RAD21: variants seen among roughly 807,000 people sequenced by gnomAD.
The protein encoded by RAD21 is RAD21 cohesin complex component, also known as double-strand-break repair protein rad21 homolog.
A neutral mutation model predicts 71.5 loss-of-function variants in RAD21; 18 were observed. The observed-to-expected ratio is 0.25, with a 90% CI of 0.17 to 0.37. The LOEUF (loss-of-function observed/expected upper bound fraction) is 0.37, where lower values mean the gene tolerates loss of function less well. Among genes scored for constraint, RAD21 ranks in the 10% least tolerant of loss-of-function variants. The pLI is 1.00. For missense variants in RAD21, 493 were observed against 769.1 expected (o/e 0.64, Z 4.25); for synonymous variants, 248 against 254.0 (o/e 0.98, Z 0.22).
At chr8:116,854,150 A>G (rs1812415352) in intron 9 of RAD21, 95 bp downstream of exon 9, 3 of 1,058,756 alleles carry the variant, frequency 2.8e-6, no homozygotes, top group Non-Finnish European at 4.1e-6. Flanking sequence ...TACAGTTGCA[A>G]AATACTTGAT....
rs1251834226 is a variant in RAD21, at chr8:116,874,771, C to A, written c.-193G>T. ...CTCCTTTCCGATTCACTCAAACAAA[C>A]AAGATGGCTGCCGTTACGCCGCGGC... On this transcript the variant is annotated 5_prime_UTR_variant, in exon 1 of 14. Transcript: ENST00000297338. 1 of 456,254 alleles carries A rather than the reference C, an allele frequency of 2.2e-6. No individual in the cohort carries two copies. The highest frequency in any genetic ancestry group is 4.4e-6 in the Non-Finnish European group (1 of 226,818). The allele number at this position is 456,254 out of a possible 1,614,324, so 28.3% of individuals were successfully genotyped here.
intron 2 of RAD21, among the ~76,000 whole-genome samples, chr8:116,864,086 T>C (rs1812644645): frequency 2.0e-5 from 3 of 152,242 alleles, no homozygotes; most frequent in Non-Finnish European, 2.9e-5. Context: ...CCCAACCTTT[T>C]TTCGAGGCAG....
chr8:116,857,230 TTC>T (rs1432952345), intron 6 of RAD21, 35 bp downstream of exon 6: 16 of 1,554,152 alleles, frequency 1.0e-5, no homozygotes, highest in South Asian at 2.3e-5. Flanking sequence ...AATAAAGAAA[TTC>T]TGTTTATGCT....
At chr8:116,849,689 C>T (rs1812311746) in intron 12 of RAD21, among the ~76,000 whole-genome samples, 1 of 152,154 alleles carries the variant, frequency 6.6e-6, no homozygotes, top group Non-Finnish European at 1.5e-5. Context: ...AAACTATATA[C>T]CAGCCATAAC....
At chr8:116,862,010 T>C (rs1333234418) in intron 3 of RAD21, 70 bp from the exon 4 acceptor site, 1 of 1,186,594 alleles carries the variant, frequency 8.4e-7, no homozygotes, top group Non-Finnish European at 1.2e-6. Context: ...GGGAGATAAG[T>C]AGGTATAACT....
At chr8:116,867,711 A>C (rs537242944) in intron 1 of RAD21, among the ~76,000 whole-genome samples, 1 of 152,350 alleles carries the variant, frequency 6.6e-6, no homozygotes, top group Non-Finnish European at 1.5e-5. Flanking sequence ...ACAGAAATAA[A>C]ATCAAGTGCA....
At chr8:116,871,175 T>C (rs1034504448) in intron 1 of RAD21, among the ~76,000 whole-genome samples, 3 of 152,190 alleles carry the variant, frequency 2.0e-5, no homozygotes, top group Non-Finnish European at 2.9e-5. Context: ...TATTTTTTTT[T>C]CCTTGATAAT....
intron 5 of RAD21, 139 bp downstream of exon 5, chr8:116,858,213 G>T: frequency 1.5e-6 from 1 of 651,758 alleles, no homozygotes. Context: ...CTGGTAGAAA[G>T]CCAAATTCTT....
At chr8:116,862,033 A>G (rs1812602506) in intron 3 of RAD21, 93 bp from the exon 4 acceptor site, 2 of 943,982 alleles carry the variant, frequency 2.1e-6, no homozygotes, top group Non-Finnish European at 3.3e-6. Context: ...CTAAGTTTAT[A>G]TTCTCATAGA....
intron 2 of RAD21, among the ~76,000 whole-genome samples, chr8:116,863,725 C>A (rs1008278248): frequency 6.6e-6 from 1 of 151,994 alleles, no homozygotes. Context: ...CCCAAAAGAA[C>A]AACGCCTCTC....
chr8:116,855,122 T>A (rs530508370), intron 8 of RAD21, among the ~76,000 whole-genome samples: 1 of 152,250 alleles, frequency 6.6e-6, no homozygotes, highest in African/African-American at 2.4e-5. Flanking sequence ...CCAAAGGTTT[T>A]TGGTTCAACA....
rs16888887 is a variant in RAD21, at chr8:116,847,913, T to C, written c.1705-222A>G. ...ACTCCCTGTGGCAATCAGTGAATTCTTGCTCGTTAGTTAACACAAGAGCTG... is the reference window on the plus strand; with the variant it reads ...ACTCCCTGTGGCAATCAGTGAATTCCTGCTCGTTAGTTAACACAAGAGCTG... On this transcript the variant is annotated intron_variant, in intron 13 of 13. Transcript: ENST00000297338. 0.14 allele frequency among the ~76,000 whole-genome samples: 20,647 copies of C among 152,186 alleles called. 1,761 individuals are homozygous for C. Among genetic ancestry groups the C allele is most frequent in the Admixed American group, 0.21 (3,217 of 15,276 alleles).
At chr8:116,868,065 TG>T (rs1266826937) in intron 1 of RAD21, among the ~76,000 whole-genome samples, 3 of 152,136 alleles carry the variant, frequency 2.0e-5, no homozygotes, top group Non-Finnish European at 4.4e-5. Context: ...TTTTAAGAGA[TG>T]GGGTCTCATT....
intron 8 of RAD21, among the ~76,000 whole-genome samples, chr8:116,855,470 G>C (rs1003965533): frequency 1.3e-5 from 2 of 152,184 alleles, no homozygotes; most frequent in Admixed American, 6.5e-5. Context: ...GATTATTCTA[G>C]AAATTTTGAC....
intron 1 of RAD21, among the ~76,000 whole-genome samples, chr8:116,873,812 C>A (rs781299593): frequency 2.6e-5 from 4 of 152,140 alleles, no homozygotes; most frequent in Admixed American, 1.3e-4. Flanking sequence ...ACGAAAAGGG[C>A]ATCAAGCATT....
intron 1 of RAD21, among the ~76,000 whole-genome samples, chr8:116,867,183 C>T (rs1812714015): frequency 2.0e-5 from 3 of 152,124 alleles, no homozygotes; most frequent in East Asian, 1.9e-4. Flanking sequence ...TTAAAAATCG[C>T]GATTCTGGGA....
chr8:116,862,423 T>G (rs1812609535), intron 3 of RAD21, among the ~76,000 whole-genome samples: 1 of 152,082 alleles, frequency 6.6e-6, no homozygotes, highest in Admixed American at 6.6e-5. Flanking sequence ...TGGTCACATG[T>G]TAATTTAAGT....
At chr8:116,850,790 A>G (rs1442687386) in intron 11 of RAD21, 23 bp from the exon 12 acceptor site, 2 of 1,460,954 alleles carry the variant, frequency 1.4e-6, no homozygotes, top group East Asian at 4.5e-5. Context: ...CAAATAAGAC[A>G]ATTTAAGATA....
chr8:116,851,757 G>C, intron 11 of RAD21, 191 bp downstream of exon 11: 1 of 490,028 alleles, frequency 2.0e-6, no homozygotes, highest in Admixed American at 3.4e-5. Context: ...AGGAAAGACT[G>C]CACCGACTCC....
Sources: gnomAD v4.1 joint callset for allele counts (sites outside exome capture counted in the v4.1 genomes callset) on GRCh38, gnomAD v4.1.1 for gene constraint, MANE v1.5 for transcripts, NCBI Gene and HGNC (gene_info 2026-07-23, HGNC 2026-07-21) for gene names.